Variants in VPS4B observed in about 807,000 individuals in gnomAD.
VPS4B encodes the protein vacuolar protein sorting 4 homolog B.
VPS4B carries 23 observed loss-of-function variants against 56.1 expected under a neutral mutation model. The observed-to-expected ratio is 0.41, with a 90% CI of 0.30 to 0.58. The LOEUF is 0.58. VPS4B is among the 20% of genes least tolerant of loss of function. VPS4B has a pLI of 0.29. For synonymous variants in VPS4B, 177 were observed against 186.0 expected (o/e 0.95, Z 0.39); for missense variants, 372 against 531.9 (o/e 0.70, Z 2.96).
intron 10 of VPS4B, among the ~76,000 whole-genome samples, chr18:63,391,417 T>C (rs1044189339): frequency 5.3e-5 from 8 of 152,110 alleles, no homozygotes; most frequent in African/African-American, 1.4e-4. Flanking sequence ...TTAGTAGAGA[T>C]GGGGTTTCGT....
chr18:63,413,593 G>T (rs542225884), intron 1 of VPS4B, among the ~76,000 whole-genome samples: 1 of 150,984 alleles, frequency 6.6e-6, no homozygotes, highest in South Asian at 2.1e-4. Context: ...GGGCAAACAT[G>T]ACTTATTAAA....
At chr18:63,405,824 C>A (rs112641266) in intron 4 of VPS4B, among the ~76,000 whole-genome samples, 1,719 of 142,832 alleles carry the variant, frequency 0.012, 25 homozygotes, top group South Asian at 0.031. Flanking sequence ...AACAAACAAA[C>A]AAAAAAAAAA....
intron 1 of VPS4B, among the ~76,000 whole-genome samples, chr18:63,420,333 A>G (rs1916267673): frequency 6.6e-6 from 1 of 152,136 alleles, no homozygotes; most frequent in Admixed American, 6.5e-5. Flanking sequence ...CTGTAATCCC[A>G]GCTACTCGGG....
rs1352719756 is a variant in VPS4B, at chr18:63,390,830, T to C, written c.*145A>G. The C allele has an allele frequency of 2.8e-5, 16 of 574,926 alleles. No homozygotes were observed. The Admixed American group carries it at 3.8e-4, about 14-fold the overall frequency. The allele number at this position is 574,926 out of a possible 1,614,324, so 35.6% of individuals were successfully genotyped here. ...AATAAGTAATGGAGGAAAAGTACAA[T>C]ATAAAACCTAATGGAACTCTGAAGT... On this transcript the variant is annotated 3_prime_UTR_variant, in exon 11 of 11. Coordinates refer to ENST00000238497, the MANE Select transcript of VPS4B (RefSeq NM_004869.4).
chr18:63,390,748 A>G lies in VPS4B; in HGVS notation c.*227T>C, dbSNP rs1599352920. On this transcript the variant is annotated 3_prime_UTR_variant, in exon 11 of 11. Coordinates refer to ENST00000238497, the MANE Select transcript of VPS4B (RefSeq NM_004869.4). ...TAATTTCTGTTTTTATGCCGTTCATATATCGCTCATTTCCTCATAACCTGT... is the reference window on the plus strand; with the variant it reads ...TAATTTCTGTTTTTATGCCGTTCATGTATCGCTCATTTCCTCATAACCTGT... 1 of 329,208 alleles carries G rather than the reference A, an allele frequency of 3.0e-6. No homozygotes were observed. The highest frequency in any genetic ancestry group is 6.0e-5 in the East Asian group (1 of 16,696). The allele number at this position is 329,208 out of a possible 1,614,324, so 20.4% of individuals were successfully genotyped here. A position where few individuals can be genotyped will look rare whatever the true frequency, so the allele number is the denominator to read the frequency against.
At chr18:63,393,586 C>A (rs777055755) in intron 9 of VPS4B, 37 bp from the exon 10 acceptor site, 7 of 1,508,046 alleles carry the variant, frequency 4.6e-6, no homozygotes, top group Middle Eastern at 1.8e-4. Flanking sequence ...GTATTTGAAA[C>A]AAAATTGAAC....
intron 1 of VPS4B, among the ~76,000 whole-genome samples, chr18:63,418,859 A>T (rs1916228875): frequency 6.6e-6 from 1 of 152,146 alleles, no homozygotes; most frequent in Non-Finnish European, 1.5e-5. Flanking sequence ...TACCACCTGT[A>T]CGCTAATAAA....
intron 3 of VPS4B, 118 bp from the exon 4 acceptor site, chr18:63,407,617 A>G (rs898038100): frequency 5.6e-6 from 4 of 719,838 alleles, no homozygotes; most frequent in African/African-American, 3.6e-5. Flanking sequence ...AGACATTTAC[A>G]TTAAAAGTTA....
Position 63,410,346 on chromosome 18 carries a change from C to A in VPS4B, c.240G>T (p.Glu80Asp). ...EKLKEYLKNK[E>D]KKAQKPVKEG... is the part of the protein sequence containing the mutation. ...CTTTCACTGGCTTCTGTGCTTTTTT[C>A]TCTTTATTTTTCAGGTACTCCTTTA... The change falls in exon 3 of 11, where the codon GAG becomes GAT. Residue 80 changes from glutamate to aspartate, a missense_variant. Coordinates refer to ENST00000238497, the MANE Select transcript of VPS4B (RefSeq NM_004869.4). 6 of 1,613,714 alleles carry A rather than the reference C, an allele frequency of 3.7e-6. No homozygotes were observed. Among genetic ancestry groups the A allele is most frequent in the Non-Finnish European group, 5.1e-6 (6 of 1,180,018 alleles).
At chr18:63,404,225 C>T (rs1599360477) in intron 4 of VPS4B, among the ~76,000 whole-genome samples, 1 of 152,008 alleles carries the variant, frequency 6.6e-6, no homozygotes, top group Non-Finnish European at 1.5e-5. Context: ...ATCAAAAGTA[C>T]TTGTTCTACC....
intron 1 of VPS4B, chr18:63,416,234 G>T: frequency 4.7e-6 from 1 of 210,622 alleles, no homozygotes; most frequent in Admixed American, 4.4e-5. Flanking sequence ...CTTATTCATG[G>T]CCCGGACTAC....
chr18:63,418,333 G>A (rs1195151240), intron 1 of VPS4B, among the ~76,000 whole-genome samples: 2 of 151,918 alleles, frequency 1.3e-5, no homozygotes, highest in Non-Finnish European at 1.5e-5. Context: ...CTCCCTCTCC[G>A]CAGCATTTAA....
chr18:63,390,560 T>A lies in VPS4B; in HGVS notation c.*415A>T, dbSNP rs1055002. 0.055 allele frequency: 8,379 copies of A among 153,084 alleles called. 738 individuals carry two copies. Among genetic ancestry groups the A allele is most frequent in the African/African-American group, 0.18 (7,583 of 41,498 alleles). The allele number at this position is 153,084 out of a possible 1,614,324, so 9.5% of individuals were successfully genotyped here. A position where few individuals can be genotyped will look rare whatever the true frequency, so the allele number is the denominator to read the frequency against. On this transcript the variant is annotated 3_prime_UTR_variant, in exon 11 of 11. Coordinates refer to ENST00000238497, the MANE Select transcript of VPS4B (RefSeq NM_004869.4). ...TGTAATTTTTTAATAACGTAAATTT[T>A]ACATTGATAAGAATGATGTTTAACA...
chr18:63,416,096 T>C (rs1916155867), intron 1 of VPS4B: 1 of 169,580 alleles, frequency 5.9e-6, no homozygotes, highest in African/African-American at 2.4e-5. Context: ...GGTATGATAT[T>C]GTGCAGTGTG....
chr18:63,410,190 C>T (rs1916004387), intron 3 of VPS4B, 100 bp downstream of exon 3: 12 of 1,488,686 alleles, frequency 8.1e-6, no homozygotes, highest in South Asian at 1.3e-5. Flanking sequence ...GCAGCTTTGG[C>T]CCATGAGCCA....
At chr18:63,402,942 C>A (rs1323145931) in intron 5 of VPS4B, among the ~76,000 whole-genome samples, 1 of 152,152 alleles carries the variant, frequency 6.6e-6, no homozygotes, top group East Asian at 1.9e-4. Flanking sequence ...AAAGGAAAAA[C>A]CTCTGACTGT....
chr18:63,390,873 G>A lies in VPS4B; in HGVS notation c.*102C>T. ...TCTGAAGTGAGATGTGTATTTCCCT[G>A]TGGTAAAAGAGTTTTACTGGAAACA... On this transcript the variant is annotated 3_prime_UTR_variant, in exon 11 of 11. Transcript: ENST00000238497. 1 of 751,674 alleles carries A rather than the reference G, an allele frequency of 1.3e-6. No homozygotes were observed. Among genetic ancestry groups the A allele is most frequent in the Non-Finnish European group, 2.2e-6 (1 of 456,532 alleles). 46.6% of individuals were successfully genotyped at this position (751,674 alleles called of 1,614,324 possible). A position where few individuals can be genotyped will look rare whatever the true frequency, so the allele number is the denominator to read the frequency against.
chr18:63,401,072 T>C (rs1384262529), intron 5 of VPS4B, among the ~76,000 whole-genome samples: 1 of 152,236 alleles, frequency 6.6e-6, no homozygotes, highest in Non-Finnish European at 1.5e-5. Flanking sequence ...GTACACTGCT[T>C]GATACCAGAA....
chr18:63,391,187 T>C (rs1375814422), intron 10 of VPS4B, 111 bp from the exon 11 acceptor site: 2 of 711,536 alleles, frequency 2.8e-6, no homozygotes, highest in Non-Finnish European at 2.4e-6. Flanking sequence ...TAAATATGAA[T>C]ATTTGCAGTC....
Sources: allele counts gnomAD v4.1 joint callset (sites outside exome capture counted in the v4.1 genomes callset), GRCh38; gene constraint gnomAD v4.1.1; transcripts MANE v1.5; gene names NCBI Gene and HGNC (gene_info 2026-07-23, HGNC 2026-07-21).